The following FIGN variants were observed in gnomAD, a reference collection of about 807,000 sequenced individuals.
The protein encoded by FIGN is fidgetin, microtubule severing factor.
A neutral mutation model predicts 51.3 loss-of-function variants in FIGN; 11 were observed. That is an observed-to-expected ratio of 0.21 (90% CI 0.13 to 0.35). FIGN has a LOEUF of 0.35. FIGN is among the 10% of genes least tolerant of loss of function. The pLI is 1.00. For missense variants in FIGN, 857 were observed against 943.6 expected (o/e 0.91, Z 1.20); for synonymous variants, 407 against 363.2 (o/e 1.12, Z -1.37).
At chr2:163,635,945 G>T (rs1683217661) in intron 2 of FIGN, among the ~76,000 whole-genome samples, 1 of 152,186 alleles carries the variant, frequency 6.6e-6, no homozygotes, top group African/African-American at 2.4e-5. Flanking sequence ...TATAAAGAAA[G>T]ATATATAGAT....
intron 2 of FIGN, among the ~76,000 whole-genome samples, chr2:163,632,428 T>C (rs189223064): frequency 3.3e-5 from 5 of 152,292 alleles, no homozygotes; most frequent in Admixed American, 1.3e-4. Flanking sequence ...AGAACAAGAT[T>C]CCATCTGTTC....
chr2:163,677,216 A>C (rs1683987057), intron 2 of FIGN, among the ~76,000 whole-genome samples: 1 of 152,248 alleles, frequency 6.6e-6, no homozygotes, highest in African/African-American at 2.4e-5. Context: ...TAAAAGGTGT[A>C]AAATAGGAAG....
rs772482079 is a variant in FIGN, at chr2:163,610,140, C to A, written c.1692G>T (p.Glu564Asp). 6.2e-7 allele frequency: 1 copy of A among 1,614,086 alleles called. No individual in the cohort carries two copies. The highest frequency in any genetic ancestry group is 1.7e-5 in the Admixed American group (1 of 60,006). Reference protein sequence around the residue: ...GLVAKWLGEAEKIIHASFLVA... With the variant: ...GLVAKWLGEADKIIHASFLVA... The stretch of plus-strand genomic sequence containing the variant: ...CAAGAAAAGAGGCATGGATAATTTT[C>A]TCTGCTTCTCCTAACCACTTGGCGA... Residue 564 changes from glutamate (E) to aspartate (D), a missense_variant, in exon 3 of 3, where the codon GAG (glutamate) becomes GAT (aspartate). Around this residue, in one of 3 missense-constraint regions of FIGN, gnomAD observed 799 missense variants for 849.5 expected, o/e 0.94. Transcript: ENST00000333129.
chr2:163,709,854 C>G (rs986459527), intron 2 of FIGN, among the ~76,000 whole-genome samples: 1 of 152,052 alleles, frequency 6.6e-6, no homozygotes, highest in Admixed American at 6.6e-5. Context: ...CTTGAAAGCT[C>G]TAGGATAAAA....
At chr2:163,642,279 A>G (rs1383168082) in intron 2 of FIGN, among the ~76,000 whole-genome samples, 1 of 152,208 alleles carries the variant, frequency 6.6e-6, no homozygotes, top group Non-Finnish European at 1.5e-5. Flanking sequence ...TGATTCAACG[A>G]AAGTAATGAC....
chr2:163,710,770 A>C (rs943557197), intron 2 of FIGN, among the ~76,000 whole-genome samples: 10 of 152,300 alleles, frequency 6.6e-5, no homozygotes, highest in Non-Finnish European at 1.3e-4. Context: ...AGAAACCAGC[A>C]TGAGATGAAG....
chr2:163,728,699 G>C (rs1279113547), intron 2 of FIGN, among the ~76,000 whole-genome samples: 1 of 152,270 alleles, frequency 6.6e-6, no homozygotes, highest in Non-Finnish European at 1.5e-5. Flanking sequence ...GGTGGCCCCA[G>C]ATAAAAGTCT....
At chr2:163,705,170 G>A (rs1383054335) in intron 2 of FIGN, among the ~76,000 whole-genome samples, 1 of 152,152 alleles carries the variant, frequency 6.6e-6, no homozygotes. Flanking sequence ...TAATACACAT[G>A]TGAATTTGAG....
intron 2 of FIGN, among the ~76,000 whole-genome samples, chr2:163,615,303 AT>A (rs776134146): frequency 1.6e-4 from 24 of 152,174 alleles, no homozygotes; most frequent in Non-Finnish European, 2.2e-4. Context: ...CATTAATGTT[AT>A]TTAAAAGCAT....
intron 2 of FIGN, among the ~76,000 whole-genome samples, chr2:163,714,685 A>G (rs1242611533): frequency 6.6e-6 from 1 of 152,200 alleles, no homozygotes; most frequent in African/African-American, 2.4e-5. Context: ...AACTTTGGCA[A>G]TCCTCTAGAA....
At chr2:163,707,253 G>A (rs1684514487) in intron 2 of FIGN, among the ~76,000 whole-genome samples, 1 of 152,034 alleles carries the variant, frequency 6.6e-6, no homozygotes, top group African/African-American at 2.4e-5. Context: ...GGAGGCTGAG[G>A]CATGAGAATC....
At chr2:163,649,523 A>T (rs1264546326) in intron 2 of FIGN, among the ~76,000 whole-genome samples, 4 of 152,170 alleles carry the variant, frequency 2.6e-5, no homozygotes, top group Admixed American at 2.0e-4. Flanking sequence ...TCCGTGTCCC[A>T]GCTGAGCTCA....
intron 2 of FIGN, among the ~76,000 whole-genome samples, chr2:163,618,080 C>A (rs878973068): frequency 6.6e-6 from 1 of 152,142 alleles, no homozygotes; most frequent in Admixed American, 6.5e-5. Context: ...TACAGAAATT[C>A]TCTCATTCTG....
rs10209354 is a variant in FIGN at position 163,608,267 on chromosome 2, G to A, written c.*1285C>T. The A allele has an allele frequency of 0.34, 51,819 of 152,136 alleles. 10,281 individuals carry two copies. Among genetic ancestry groups the A allele is most frequent in the East Asian group, 0.64 (3,272 of 5,138 alleles). The allele number at this position is 152,136 out of a possible 1,614,324, so 9.4% of individuals were successfully genotyped here. ...AGAGGTTCTTTGTGGATATATATATGTGTATGTAAGTTGGTTTGTTGGTTG... is the reference window on the plus strand; with the variant it reads ...AGAGGTTCTTTGTGGATATATATATATGTATGTAAGTTGGTTTGTTGGTTG... On this transcript the variant is annotated 3_prime_UTR_variant, in exon 3 of 3. Coordinates refer to ENST00000333129, the MANE Select transcript of FIGN (RefSeq NM_018086.4).
In FIGN at chr2:163,662,598, G is replaced by A. The variant is rs186808407; in HGVS notation, c.26-50792C>T. ...CAGGCCCAGAGGCTGAAGAGGAAGA[G>A]GTGGTTCTGGGGGCCGGGCCCAGGG... On this transcript the variant is annotated intron_variant, in intron 2 of 2. Transcript: ENST00000333129. 5.3e-5 allele frequency among the ~76,000 whole-genome samples: 8 copies of A among 152,334 alleles called. No homozygotes were observed. In the East Asian group the frequency reaches 9.7e-4, roughly 18 times the overall value.
At chr2:163,658,921 A>G (rs1384063960) in intron 2 of FIGN, among the ~76,000 whole-genome samples, 1 of 152,178 alleles carries the variant, frequency 6.6e-6, no homozygotes. Flanking sequence ...AAATTCCATT[A>G]TGCTGTGAGT....
intron 2 of FIGN, among the ~76,000 whole-genome samples, chr2:163,618,986 A>G: frequency 6.6e-6 from 1 of 152,174 alleles, no homozygotes. Flanking sequence ...GAAATAATTG[A>G]TAACTTTCTT....
chr2:163,611,782 T>C lies in FIGN; in HGVS notation c.50A>G (p.Glu17Gly). Residue 17 changes from glutamate to glycine, a missense_variant, in exon 3 of 3, where the codon GAG (glutamate) becomes GGG (glycine). Transcript: ENST00000333129. ...VYGLKMQWTP[E>G]HAQWPEQHFD... ...GTGCTGTTCTGGCCACTGGGCATGC[T>C]CTGGCGTCCACTGCATCTTCAAGCC... The C allele has an allele frequency of 6.2e-7, 1 of 1,605,504 alleles. No homozygotes were observed. The highest frequency in any genetic ancestry group is 2.2e-5 in the East Asian group (1 of 44,558).
chr2:163,610,821 G>A lies in FIGN; in HGVS notation c.1011C>T (p.Ser337=). ...GDMDSSYGNY[S]YGQQRSTQSP... ...TCTGTGTAGATCTCTGTTGGCCATAGCTGTAATTTCCATAACTGGAGTCCA... is the reference window on the plus strand; with the variant it reads ...TCTGTGTAGATCTCTGTTGGCCATAACTGTAATTTCCATAACTGGAGTCCA... The change falls in exon 3 of 3, where the codon AGC becomes AGT. Residue 337 remains serine (S), a synonymous_variant. Transcript: ENST00000333129. 2 of 1,498,206 alleles carry A rather than the reference G, an allele frequency of 1.3e-6. No homozygotes were observed. The highest frequency in any genetic ancestry group is 1.8e-6 in the Non-Finnish European group (2 of 1,127,328). 92.8% of individuals were successfully genotyped at this position (1,498,206 alleles called of 1,614,324 possible). A position where few individuals can be genotyped will look rare whatever the true frequency, so the allele number is the denominator to read the frequency against.
Sources: gnomAD v4.1 joint callset for allele counts (sites outside exome capture counted in the v4.1 genomes callset) on GRCh38, gnomAD v4.1.1 for gene constraint, gnomAD v4.1.1 regional missense constraint, MANE v1.5 for transcripts, NCBI Gene and HGNC (gene_info 2026-07-23, HGNC 2026-07-21) for gene names.